The following EGFR variants were observed in gnomAD, a reference collection of about 807,000 sequenced individuals.
The protein encoded by EGFR is epidermal growth factor receptor.
A neutral mutation model predicts 143.0 loss-of-function variants in EGFR; 58 were observed. The observed-to-expected ratio is 0.41, with a 90% CI of 0.33 to 0.50. EGFR has a LOEUF of 0.50. Among genes scored for constraint, EGFR ranks in the 20% least tolerant of loss-of-function variants. EGFR has a pLI of 0.39. For synonymous variants in EGFR, 613 were observed against 594.4 expected (o/e 1.03, Z -0.45); for missense variants, 1,307 against 1,579.0 (o/e 0.83, Z 2.92).
chr7:55,100,165 G>A (rs577063130), intron 1 of EGFR, among the ~76,000 whole-genome samples: 3 of 152,318 alleles, frequency 2.0e-5, no homozygotes, highest in South Asian at 2.1e-4. Flanking sequence ...TCCTTTCTAC[G>A]ATGCCTGACA....
intron 1 of EGFR, among the ~76,000 whole-genome samples, chr7:55,061,007 C>T (rs1052445401): frequency 6.6e-6 from 1 of 152,172 alleles, no homozygotes; most frequent in Admixed American, 6.5e-5. Flanking sequence ...GAAGGTGAAC[C>T]GCATGTTGGG....
chr7:55,175,321 C>T (rs768038691), intron 19 of EGFR, among the ~76,000 whole-genome samples: 6 of 152,222 alleles, frequency 3.9e-5, no homozygotes, highest in Non-Finnish European at 7.3e-5. Flanking sequence ...AGTCTATAAA[C>T]TGTTGCCCAC....
At chr7:55,185,336 C>T (rs559983112) in intron 20 of EGFR, among the ~76,000 whole-genome samples, 2 of 152,310 alleles carry the variant, frequency 1.3e-5, no homozygotes, top group South Asian at 4.1e-4. Flanking sequence ...CTAAATTCCC[C>T]ACACAGGAGC....
At chr7:55,022,617 G>C (rs910052365) in intron 1 of EGFR, among the ~76,000 whole-genome samples, 9 of 152,176 alleles carry the variant, frequency 5.9e-5, no homozygotes, top group Non-Finnish European at 1.2e-4. Context: ...AAGGGGGGGT[G>C]AGTTTTAAGG....
intron 2 of EGFR, among the ~76,000 whole-genome samples, chr7:55,142,846 T>C (rs1463169142): frequency 6.6e-6 from 1 of 152,236 alleles, no homozygotes; most frequent in Non-Finnish European, 1.5e-5. Context: ...AGAATTCTTA[T>C]TTCACGATAG....
At chr7:55,049,393 G>A (rs1373086352) in intron 1 of EGFR, among the ~76,000 whole-genome samples, 1 of 152,138 alleles carries the variant, frequency 6.6e-6, no homozygotes, top group African/African-American at 2.4e-5. Flanking sequence ...CAAATCTATA[G>A]AGAACTCAGC....
At chr7:55,028,307 T>C (rs889174060) in intron 1 of EGFR, among the ~76,000 whole-genome samples, 22 of 152,092 alleles carry the variant, frequency 1.4e-4, no homozygotes, top group African/African-American at 5.1e-4. Context: ...TAAGACAAAC[T>C]GGCATTTGTA....
chr7:55,174,571 C>G (rs577712420), intron 18 of EGFR, 151 bp from the exon 19 acceptor site: 1 of 716,768 alleles, frequency 1.4e-6, no homozygotes, highest in East Asian at 2.7e-5. Flanking sequence ...CGTCACAGCC[C>G]CCAGCAATAT....
intron 1 of EGFR, among the ~76,000 whole-genome samples, chr7:55,121,094 G>A (rs1793174494): frequency 6.6e-6 from 1 of 152,144 alleles, no homozygotes; most frequent in South Asian, 2.1e-4. Flanking sequence ...TACAACACAG[G>A]GAAGTGTGTC....
intron 19 of EGFR, among the ~76,000 whole-genome samples, chr7:55,178,234 G>C (rs1160168955): frequency 6.6e-6 from 1 of 152,234 alleles, no homozygotes; most frequent in African/African-American, 2.4e-5. Context: ...TTTCTTTGGT[G>C]TTATGGTTGT....
At chr7:55,203,218 A>C (rs116284341) in intron 27 of EGFR, 10 of 221,864 alleles carry the variant, frequency 4.5e-5, no homozygotes, top group African/African-American at 2.4e-4. Flanking sequence ...ACACACCTCA[A>C]ATACATACAC....
chr7:55,129,960 T>C (rs1423170302), intron 1 of EGFR, among the ~76,000 whole-genome samples: 2 of 152,204 alleles, frequency 1.3e-5, no homozygotes, highest in African/African-American at 4.8e-5. Flanking sequence ...TTTTTGCAAA[T>C]AAAGTTTTAT....
chr7:55,023,261 T>C (rs756820475), intron 1 of EGFR, among the ~76,000 whole-genome samples: 1 of 152,202 alleles, frequency 6.6e-6, no homozygotes, highest in Non-Finnish European at 1.5e-5. Context: ...TTATTTAACA[T>C]TGGGTTTTAC....
chr7:55,048,249 G>A (rs80070654), intron 1 of EGFR, among the ~76,000 whole-genome samples: 7,256 of 152,236 alleles, frequency 0.048, 443 homozygotes, highest in African/African-American at 0.14. Flanking sequence ...GCTCTGGGAC[G>A]AGGCATCTGC....
At chr7:55,044,332 T>A (rs1341761840) in intron 1 of EGFR, among the ~76,000 whole-genome samples, 2 of 152,220 alleles carry the variant, frequency 1.3e-5, no homozygotes, top group African/African-American at 2.4e-5. Context: ...ATAGTTTGAA[T>A]TACACAAGTG....
At chr7:55,194,428 A>G (rs1343423985) in intron 22 of EGFR, among the ~76,000 whole-genome samples, 1 of 151,968 alleles carries the variant, frequency 6.6e-6, no homozygotes, top group Non-Finnish European at 1.5e-5. Flanking sequence ...GGGTTTCACT[A>G]TGTTGGCCAG....
At chr7:55,057,607 A>C (rs763616831) in intron 1 of EGFR, among the ~76,000 whole-genome samples, 1 of 152,236 alleles carries the variant, frequency 6.6e-6, no homozygotes, top group Non-Finnish European at 1.5e-5. Flanking sequence ...ATGTTGAATC[A>C]ACACTTTTGT....
chr7:55,167,669 G>C (rs1300762996), intron 15 of EGFR, among the ~76,000 whole-genome samples: 1 of 151,920 alleles, frequency 6.6e-6, no homozygotes, highest in Non-Finnish European at 1.5e-5. Flanking sequence ...GGTGTTGGTG[G>C]TGAGGAGGTG....
intron 1 of EGFR, among the ~76,000 whole-genome samples, chr7:55,089,946 A>C (rs1485365680): frequency 0.027 from 1,272 of 47,596 alleles, 15 homozygotes; most frequent in African/African-American, 0.049. Context: ...CTACTTATTT[A>C]TTTATTTATT....
Sources: allele counts gnomAD v4.1 joint callset (sites outside exome capture counted in the v4.1 genomes callset), GRCh38; gene constraint gnomAD v4.1.1; transcripts MANE v1.5; gene names NCBI Gene and HGNC (gene_info 2026-07-23, HGNC 2026-07-21).